The following C9orf85 variants were observed in gnomAD, a reference collection of about 807,000 sequenced individuals.
C9orf85 encodes the protein uncharacterized protein C9orf85.
In C9orf85, 16 loss-of-function variants were observed where a neutral mutation model predicts 14.9. That is an observed-to-expected ratio of 1.08 (90% CI 0.73 to 1.63). C9orf85 has a LOEUF of 1.63. Ranked by LOEUF, C9orf85 falls within the 40% of genes most tolerant of loss-of-function variation. The pLI, the probability that C9orf85 is intolerant of heterozygous loss-of-function variation, is 0.00. For missense variants in C9orf85, 172 were observed against 186.1 expected, an observed-to-expected ratio of 0.92 and a Z score of 0.44; for synonymous variants, 45 against 56.8, an observed-to-expected ratio of 0.79 and a Z score of 0.93.
At chr9:71,963,778 G>C (rs928022879) in intron 2 of C9orf85, among the ~76,000 whole-genome samples, 1 of 152,210 alleles carries the variant, frequency 6.6e-6, no homozygotes, top group Non-Finnish European at 1.5e-5. Flanking sequence ...CCTTCCTGCG[G>C]GGCAGAGCTC....
intron 1 of C9orf85, 102 bp downstream of exon 1, chr9:71,911,938 C>G (rs1003569008): frequency 3.9e-6 from 4 of 1,016,854 alleles, no homozygotes; most frequent in Non-Finnish European, 6.2e-6. Context: ...GAGTGTGGAC[C>G]GCAGCCCAGA....
At chr9:71,972,459 A>G (rs1822900232) in intron 3 of C9orf85, among the ~76,000 whole-genome samples, 1 of 152,170 alleles carries the variant, frequency 6.6e-6, no homozygotes, top group Non-Finnish European at 1.5e-5. Flanking sequence ...GGGTTTTGCC[A>G]CGTTGGCCAG....
In C9orf85 at chr9:71,929,147, T is replaced by C. The variant is rs577814055; in HGVS notation, c.102+17311T>C. Among the ~76,000 whole-genome samples the C allele has an allele frequency of 5.9e-5, 9 of 152,340 alleles. No homozygotes were observed. The South Asian group carries it at 1.7e-3, about 28-fold the overall frequency. ...CTTACACCTGCCCCAAGTAAATGAC[T>C]TACGAAGCAGATTTTTTTTAAAGAC... On this transcript the variant is annotated intron_variant, in intron 1 of 3. Transcript: ENST00000334731.
chr9:71,972,033 G>A (rs1822887906), intron 3 of C9orf85, among the ~76,000 whole-genome samples: 1 of 149,780 alleles, frequency 6.7e-6, no homozygotes, highest in African/African-American at 2.5e-5. Context: ...GACTTAAGTT[G>A]TATGTCAAAC....
At chr9:71,913,898 CT>C (rs1827580733) in intron 1 of C9orf85, among the ~76,000 whole-genome samples, 1 of 2,074 alleles carries the variant, frequency 4.8e-4, no homozygotes, top group Admixed American at 0.021. Context: ...TCTTTAATTC[CT>C]TTCCCTCTTT....
chr9:71,930,629 C>T (rs1828046972), intron 1 of C9orf85, among the ~76,000 whole-genome samples: 1 of 148,862 alleles, frequency 6.7e-6, no homozygotes, highest in African/African-American at 2.5e-5. Flanking sequence ...CATAGTGAGA[C>T]TCTGTCTCTA....
chr9:71,959,645 T>G (rs1822464998), intron 2 of C9orf85, among the ~76,000 whole-genome samples: 1 of 152,164 alleles, frequency 6.6e-6, no homozygotes, highest in Non-Finnish European at 1.5e-5. Flanking sequence ...GTCCCTAACT[T>G]AAGTAGAGTT....
chr9:71,930,972 GA>G (rs1329193319), intron 1 of C9orf85, among the ~76,000 whole-genome samples: 1 of 152,172 alleles, frequency 6.6e-6, no homozygotes, highest in African/African-American at 2.4e-5. Flanking sequence ...GAGTGAGGAA[GA>G]AGGAATAGTC....
At chr9:71,937,085 A>G (rs1828209977) in intron 1 of C9orf85, among the ~76,000 whole-genome samples, 1 of 152,154 alleles carries the variant, frequency 6.6e-6, no homozygotes, top group Non-Finnish European at 1.5e-5. Flanking sequence ...GTTGCGATAG[A>G]TTTATCAGCG....
At chr9:71,919,423 T>A (rs978060510) in intron 1 of C9orf85, among the ~76,000 whole-genome samples, 1 of 152,228 alleles carries the variant, frequency 6.6e-6, no homozygotes, top group Non-Finnish European at 1.5e-5. Context: ...TAGATCTGAA[T>A]TGACCATCTC....
intron 2 of C9orf85, among the ~76,000 whole-genome samples, chr9:71,966,777 T>C (rs1198634636): frequency 6.6e-6 from 1 of 152,174 alleles, no homozygotes; most frequent in Admixed American, 6.5e-5. Context: ...GGCAGTCTTG[T>C]TATGCAGATG....
chr9:71,976,608 G>C (rs918113477), downstream of C9orf85, among the ~76,000 whole-genome samples: 1 of 150,958 alleles, frequency 6.6e-6, no homozygotes, highest in Admixed American at 6.6e-5. Context: ...CTTACAGTGA[G>C]CCGAGATCGC....
At chr9:71,937,949 C>G (rs916396435) in intron 1 of C9orf85, among the ~76,000 whole-genome samples, 4 of 152,050 alleles carry the variant, frequency 2.6e-5, no homozygotes, top group Admixed American at 1.3e-4. Context: ...AAGAAGTAAG[C>G]TAGTAATAAC....
rs1294767307 is a variant in C9orf85 at position 71,923,888 on chromosome 9, A to G, written c.102+12052A>G. ...TTGTTCATGCTTTCTTGCATCCTCAATCTTTCCATCTCTAATGGGTTATTA... is the reference window on the plus strand; with the variant it reads ...TTGTTCATGCTTTCTTGCATCCTCAGTCTTTCCATCTCTAATGGGTTATTA... On this transcript the variant is annotated intron_variant, in intron 1 of 3. Coordinates refer to ENST00000334731, the MANE Select transcript of C9orf85 (RefSeq NM_182505.5). 4.6e-5 allele frequency among the ~76,000 whole-genome samples: 7 copies of G among 152,128 alleles called. No homozygotes were observed. In the East Asian group the frequency reaches 1.2e-3, roughly 25 times the overall value.
chr9:71,970,796 A>AT (rs149044765), intron 2 of C9orf85, among the ~76,000 whole-genome samples: 2,388 of 149,638 alleles, frequency 0.016, 66 homozygotes, highest in African/African-American at 0.055. Context: ...TTTGGGGAGT[A>AT]TTGCTATCTT....
intron 1 of C9orf85, among the ~76,000 whole-genome samples, chr9:71,941,023 A>T (rs1286742914): frequency 6.6e-6 from 1 of 152,208 alleles, no homozygotes; most frequent in African/African-American, 2.4e-5. Flanking sequence ...GGAATTAGAG[A>T]ACTTTTTGGA....
chr9:71,913,368 C>T (rs963594136), intron 1 of C9orf85, among the ~76,000 whole-genome samples: 3 of 152,082 alleles, frequency 2.0e-5, no homozygotes, highest in Admixed American at 6.5e-5. Flanking sequence ...TCTCCCTTCA[C>T]GGAGTTTATA....
intron 2 of C9orf85, among the ~76,000 whole-genome samples, chr9:71,967,944 G>A (rs1033383606): frequency 2.6e-5 from 4 of 151,656 alleles, no homozygotes; most frequent in Non-Finnish European, 4.4e-5. Flanking sequence ...TGTTATAAAC[G>A]GATGTTATAT....
intron 1 of C9orf85, 89 bp downstream of exon 1, chr9:71,911,925 G>A: frequency 5.9e-6 from 7 of 1,181,756 alleles, no homozygotes; most frequent in Non-Finnish European, 8.9e-6. Flanking sequence ...AGTCGGCTGG[G>A]GCGAGTGTGG....
Sources: allele counts gnomAD v4.1 joint callset (sites outside exome capture counted in the v4.1 genomes callset), GRCh38; gene constraint gnomAD v4.1.1; transcripts MANE v1.5; gene names NCBI Gene and HGNC (gene_info 2026-07-23, HGNC 2026-07-21).